The following CABLES1 variants were observed in gnomAD, a reference collection of about 807,000 sequenced individuals.
CABLES1 encodes Cdk5 and Abl enzyme substrate 1, also known as CDK5 and ABL1 enzyme substrate 1.
In CABLES1, 36 loss-of-function variants were observed where a neutral mutation model predicts 57.8. That is an observed-to-expected ratio of 0.62 (90% CI 0.48 to 0.82). The LOEUF is 0.82. Ranked by LOEUF, CABLES1 falls within the 40% of genes least tolerant of loss-of-function variation. The pLI, the probability that CABLES1 is intolerant of heterozygous loss-of-function variation, is 0.00. For synonymous variants in CABLES1, 374 were observed against 363.0 expected (o/e 1.03, Z -0.35); for missense variants, 767 against 836.6 (o/e 0.92, Z 1.03).
intron 7 of CABLES1, among the ~76,000 whole-genome samples, chr18:23,240,651 G>A: frequency 6.6e-6 from 1 of 152,234 alleles, no homozygotes; most frequent in African/African-American, 2.4e-5. Flanking sequence ...CAATTATGCA[G>A]AGCTGCTCAC....
chr18:23,250,356 TG>T (rs1308538381), intron 7 of CABLES1, among the ~76,000 whole-genome samples: 2 of 151,970 alleles, frequency 1.3e-5, no homozygotes, highest in African/African-American at 4.8e-5. Context: ...GGTGAGGGGT[TG>T]AGAAGCTGGA....
chr18:23,193,831 G>T (rs1226288300), intron 2 of CABLES1, among the ~76,000 whole-genome samples: 2 of 152,114 alleles, frequency 1.3e-5, no homozygotes, highest in African/African-American at 4.8e-5. Context: ...TTGAATCCAA[G>T]CCATTTTAGC....
chr18:23,234,424 T>A (rs1229726655), intron 4 of CABLES1, among the ~76,000 whole-genome samples, 184 bp from the exon 5 acceptor site: 1 of 152,202 alleles, frequency 6.6e-6, no homozygotes, highest in Non-Finnish European at 1.5e-5. Flanking sequence ...TTCATTTATG[T>A]CAAAGTGGTT....
At chr18:23,203,469 A>G (rs970895917) in intron 3 of CABLES1, among the ~76,000 whole-genome samples, 24 of 151,768 alleles carry the variant, frequency 1.6e-4, no homozygotes, top group Admixed American at 3.9e-4. Context: ...AAAAAAAAAA[A>G]AAAGAAAGAA....
intron 1 of CABLES1, among the ~76,000 whole-genome samples, chr18:23,163,932 G>A (rs768253864): frequency 5.3e-5 from 8 of 152,096 alleles, no homozygotes; most frequent in Non-Finnish European, 1.0e-4. Context: ...TAGCCTATAA[G>A]GTAGGCCCTG....
At chr18:23,152,490 T>TC (rs1186398202) in intron 1 of CABLES1, among the ~76,000 whole-genome samples, 1 of 150,600 alleles carries the variant, frequency 6.6e-6, no homozygotes. Context: ...GGTCTAATTT[T>TC]TTTTTTTTTT....
intron 7 of CABLES1, among the ~76,000 whole-genome samples, chr18:23,240,443 G>A (rs1203408893): frequency 6.6e-6 from 1 of 152,240 alleles, no homozygotes; most frequent in East Asian, 1.9e-4. Flanking sequence ...CCAGGCACAG[G>A]GAGCTGCCGC....
At chr18:23,176,362 TG>T in intron 1 of CABLES1, among the ~76,000 whole-genome samples, 1 of 152,296 alleles carries the variant, frequency 6.6e-6, no homozygotes, top group Admixed American at 6.5e-5. Context: ...GAGAATCTGA[TG>T]CCCCGCTGAT....
intron 1 of CABLES1, among the ~76,000 whole-genome samples, chr18:23,174,116 C>G (rs534307775): frequency 2.0e-5 from 3 of 152,214 alleles, no homozygotes; most frequent in Non-Finnish European, 4.4e-5. Context: ...ATTCCTCCCC[C>G]TCTCGGATCC....
Position 23,136,217 on chromosome 18 carries a change from G to T in CABLES1, c.455G>T (p.Gly152Val). 1 of 1,259,912 alleles carries T rather than the reference G, an allele frequency of 7.9e-7. No homozygotes were observed. Among genetic ancestry groups the T allele is most frequent in the Non-Finnish European group, 9.9e-7 (1 of 1,005,794 alleles). 78.0% of individuals were successfully genotyped at this position (1,259,912 alleles called of 1,614,324 possible). ...QPSSLPPLIP[G>V]GHATVSGPGV... ...TCGTCGCTGCCGCCCTTGATTCCTGGCGGCCATGCGACCGTGTCCGGCCCC... is the reference window on the plus strand; with the variant it reads ...TCGTCGCTGCCGCCCTTGATTCCTGTCGGCCATGCGACCGTGTCCGGCCCC... The change falls in exon 1 of 10, where the codon GGC becomes GTC. Residue 152 changes from glycine (G) to valine (V), a missense_variant. This residue lies in a region of CABLES1 where 529 missense variants were observed against 622.8 expected (regional missense o/e 0.85). Coordinates refer to ENST00000256925, the MANE Select transcript of CABLES1 (RefSeq NM_001100619.3).
intron 4 of CABLES1, among the ~76,000 whole-genome samples, chr18:23,229,462 A>G (rs1043534556): frequency 6.6e-6 from 1 of 152,204 alleles, no homozygotes; most frequent in African/African-American, 2.4e-5. Context: ...TGTGTCTGGG[A>G]AAAATCTGGC....
rs1345838264 is a variant in CABLES1, at chr18:23,237,134, A to G, written c.1343-8A>G. 1.3e-6 allele frequency: 2 copies of G among 1,565,596 alleles called. No homozygotes were observed. Among genetic ancestry groups the G allele is most frequent in the Non-Finnish European group, 1.8e-6 (2 of 1,136,102 alleles). On this transcript the variant is annotated splice_polypyrimidine_tract_variant and splice_region_variant and intron_variant, in intron 6 of 9. Transcript: ENST00000256925. ...ATTATCATTTTGCATTTTGCATGTG[A>G]TCTTCAGGTAGTGACCTGGGAGACT...
At chr18:23,222,968 C>A (rs2047500346) in intron 4 of CABLES1, among the ~76,000 whole-genome samples, 1 of 152,232 alleles carries the variant, frequency 6.6e-6, no homozygotes, top group Non-Finnish European at 1.5e-5. Context: ...GGTGACTCCC[C>A]CCGCATTAGC....
chr18:23,219,064 T>A, intron 4 of CABLES1: 1 of 404,786 alleles, frequency 2.5e-6, no homozygotes, highest in Non-Finnish European at 5.0e-6. Flanking sequence ...CGCAAGTGCC[T>A]TGCCATACCA....
Position 23,253,825 on chromosome 18 carries a change from C to T in CABLES1, c.1650C>T (p.Leu550=), listed in dbSNP as rs1182969269. The part of the protein sequence containing the change: ...MAFVYFEKLA[L]KGKLNKQNRK... The stretch of plus-strand genomic sequence containing the variant: ...TCGTCTACTTTGAAAAGCTCGCCCT[C>T]AAGGGGAAACTCAACAAACAGAACC... Residue 550 remains leucine, a synonymous_variant, in exon 9 of 10, where the codon CTC becomes CTT. Transcript: ENST00000256925. 4.3e-6 allele frequency: 7 copies of T among 1,614,106 alleles called. No homozygotes were observed. The highest frequency in any genetic ancestry group is 4.2e-6 in the Non-Finnish European group (5 of 1,180,048).
At chr18:23,232,951 C>G (rs2047577130) in intron 4 of CABLES1, among the ~76,000 whole-genome samples, 1 of 152,216 alleles carries the variant, frequency 6.6e-6, no homozygotes, top group Non-Finnish European at 1.5e-5. Context: ...CTCTTCTTAC[C>G]TGATGACTTT....
At chr18:23,173,898 G>A (rs908751987) in intron 1 of CABLES1, among the ~76,000 whole-genome samples, 3 of 152,200 alleles carry the variant, frequency 2.0e-5, no homozygotes, top group Non-Finnish European at 4.4e-5. Context: ...AGGAGTCAGA[G>A]GTTGCAGTGA....
At chr18:23,173,927 C>T (rs1015683453) in intron 1 of CABLES1, among the ~76,000 whole-genome samples, 3 of 152,202 alleles carry the variant, frequency 2.0e-5, no homozygotes, top group African/African-American at 7.2e-5. Flanking sequence ...CGCACCACTG[C>T]ACTCCAGCCT....
At chr18:23,254,008 G>C in intron 9 of CABLES1, 72 bp downstream of exon 9, 1 of 1,305,726 alleles carries the variant, frequency 7.7e-7, no homozygotes, top group South Asian at 1.2e-5. Flanking sequence ...AGAAGGATTC[G>C]GTCAGTGACC....
Sources: allele counts gnomAD v4.1 joint callset (sites outside exome capture counted in the v4.1 genomes callset), GRCh38; gene constraint gnomAD v4.1.1; regional missense constraint gnomAD v4.1.1; transcripts MANE v1.5; gene names NCBI Gene and HGNC (gene_info 2026-07-23, HGNC 2026-07-21).